The following ASIC2 variants were observed in gnomAD, a reference collection of about 807,000 sequenced individuals.
ASIC2 encodes the protein acid sensing ion channel subunit 2, also known as acid-sensing ion channel 2.
Under a neutral mutation model 57.3 loss-of-function variants are expected in ASIC2, and 25 were observed. The observed-to-expected ratio is 0.44, with a 90% confidence interval of 0.32 to 0.61. ASIC2 has a LOEUF of 0.61. Ranked by LOEUF, ASIC2 falls within the 20% of genes least tolerant of loss-of-function variation. ASIC2 has a pLI of 0.06. For missense variants in ASIC2, 641 were observed against 738.1 expected, an observed-to-expected ratio of 0.87 and a Z score of 1.52; for synonymous variants, 319 against 307.5, an observed-to-expected ratio of 1.04 and a Z score of -0.39.
chr17:34,088,026 T>G (rs1241479602), intron 1 of ASIC2, among the ~76,000 whole-genome samples: 2 of 152,260 alleles, frequency 1.3e-5, no homozygotes, highest in African/African-American at 2.4e-5. Context: ...ATCTGAAGCC[T>G]TCTTCTCTCA....
rs566443516 is a variant in ASIC2, at chr17:33,436,794, G to C, written c.556-324727C>G. Among the ~76,000 whole-genome samples, 19 of 150,922 alleles carry C rather than the reference G, an allele frequency of 1.3e-4. No homozygotes were observed. In the South Asian group the frequency reaches 2.9e-3, roughly 23 times the overall value. On this transcript the variant is annotated intron_variant, in intron 1 of 9. Transcript: ENST00000359872. ...GGGAGGGGAGCACTAAGAACCTGCT[G>C]GGTGATCACAATAGCAACCTATAAG...
At chr17:33,424,491 T>C (rs1197259246) in intron 1 of ASIC2, among the ~76,000 whole-genome samples, 2 of 152,214 alleles carry the variant, frequency 1.3e-5, no homozygotes, top group Non-Finnish European at 2.9e-5. Flanking sequence ...AATTAGTCTA[T>C]GGCAGAGGCC....
chr17:33,799,762 T>C (rs1052286969), intron 1 of ASIC2, among the ~76,000 whole-genome samples: 4 of 151,768 alleles, frequency 2.6e-5, no homozygotes, highest in Admixed American at 6.6e-5. Flanking sequence ...ATAGCTACCA[T>C]ATATTGTTGT....
At chr17:33,072,578 G>A (rs223031) in intron 3 of ASIC2, among the ~76,000 whole-genome samples, 75,400 of 152,088 alleles carry the variant, frequency 0.5, 19,000 homozygotes, top group East Asian at 0.65. Flanking sequence ...CACAACTGAA[G>A]TACTTTCATA....
At chr17:33,173,697 A>T (rs1393145663) in intron 1 of ASIC2, among the ~76,000 whole-genome samples, 2 of 152,190 alleles carry the variant, frequency 1.3e-5, no homozygotes, top group Non-Finnish European at 2.9e-5. Context: ...AACAGCTGTG[A>T]GATCTTGGGT....
At chr17:33,986,015 C>A (rs981604133) in intron 1 of ASIC2, among the ~76,000 whole-genome samples, 1 of 152,184 alleles carries the variant, frequency 6.6e-6, no homozygotes, top group African/African-American at 2.4e-5. Context: ...GCTCTAACCA[C>A]CCTATGGAAT....
At chr17:34,063,646 G>A (rs977683804) in intron 1 of ASIC2, among the ~76,000 whole-genome samples, 1 of 152,122 alleles carries the variant, frequency 6.6e-6, no homozygotes, top group African/African-American at 2.4e-5. Context: ...AAAGCTCCTA[G>A]AACTGATAAA....
chr17:33,035,292 A>T (rs12451247), intron 3 of ASIC2, among the ~76,000 whole-genome samples: 57,618 of 152,010 alleles, frequency 0.38, 11,372 homozygotes, highest in Admixed American at 0.54. Flanking sequence ...CATTGGGGTT[A>T]TATGTAGATC....
chr17:33,412,955 G>T (rs1306787493), intron 1 of ASIC2, among the ~76,000 whole-genome samples: 1 of 152,178 alleles, frequency 6.6e-6, no homozygotes, highest in Non-Finnish European at 1.5e-5. Flanking sequence ...GCTGCCCACA[G>T]CAAAGCTAAG....
chr17:33,843,340 T>C (rs1913493775), intron 1 of ASIC2, among the ~76,000 whole-genome samples: 1 of 152,142 alleles, frequency 6.6e-6, no homozygotes, highest in Non-Finnish European at 1.5e-5. Flanking sequence ...GGTTTAGAAA[T>C]AGCTTCTGAG....
intron 3 of ASIC2, among the ~76,000 whole-genome samples, chr17:33,053,637 A>G (rs2091986414): frequency 6.6e-6 from 1 of 152,160 alleles, no homozygotes; most frequent in African/African-American, 2.4e-5. Context: ...TGATCTTACT[A>G]AAATGCAGAC....
chr17:33,067,752 T>C (rs1469376911), intron 3 of ASIC2, among the ~76,000 whole-genome samples: 1 of 152,074 alleles, frequency 6.6e-6, no homozygotes, highest in African/African-American at 2.4e-5. Flanking sequence ...AAACAGCAAC[T>C]TTGCAAAGTT....
chr17:33,712,747 G>A (rs1369118071), intron 1 of ASIC2, among the ~76,000 whole-genome samples: 4 of 139,930 alleles, frequency 2.9e-5, no homozygotes, highest in South Asian at 4.9e-4. Context: ...CCGGGTTCAC[G>A]CCATTCTCCT....
intron 1 of ASIC2, among the ~76,000 whole-genome samples, chr17:33,651,360 T>TA (rs1237855302): frequency 1.3e-5 from 2 of 152,058 alleles, no homozygotes; most frequent in Non-Finnish European, 2.9e-5. Context: ...TATTTCAAAA[T>TA]AAAAAAAGTC....
At chr17:33,882,465 C>T (rs1469155210) in intron 1 of ASIC2, among the ~76,000 whole-genome samples, 1 of 152,156 alleles carries the variant, frequency 6.6e-6, no homozygotes, top group African/African-American at 2.4e-5. Flanking sequence ...TGAACAGACA[C>T]TTCTCAAAAG....
intron 1 of ASIC2, among the ~76,000 whole-genome samples, chr17:33,608,127 A>G (rs994725796): frequency 6.6e-6 from 1 of 152,146 alleles, no homozygotes; most frequent in Non-Finnish European, 1.5e-5. Context: ...GCTCAGCATG[A>G]TGGCAGCTTG....
At chr17:33,225,159 T>TG (rs1907832080) in intron 1 of ASIC2, among the ~76,000 whole-genome samples, 1 of 152,224 alleles carries the variant, frequency 6.6e-6, no homozygotes, top group African/African-American at 2.4e-5. Context: ...TCAGCAATCC[T>TG]GGGGAAATCG....
At chr17:34,067,777 T>A (rs1909226685) in intron 1 of ASIC2, among the ~76,000 whole-genome samples, 1 of 152,182 alleles carries the variant, frequency 6.6e-6, no homozygotes, top group African/African-American at 2.4e-5. Flanking sequence ...TGATATGTTT[T>A]TAAATGAAAA....
chr17:33,025,775 C>T lies in ASIC2; in HGVS notation c.1195+151G>A, dbSNP rs776528943. 5 of 672,820 alleles carry T rather than the reference C, an allele frequency of 7.4e-6. No individual in the cohort carries two copies. The South Asian group carries it at 7.9e-5, about 11-fold the overall frequency. 41.7% of individuals were successfully genotyped at this position (672,820 alleles called of 1,614,324 possible). ...CCTCCTCTCCATCTCCCTCTCCCAT[C>T]CCTGCAGCAACTCCACCCGACCAGC... On this transcript the variant is annotated intron_variant, in intron 5 of 9. Transcript: ENST00000225823.
Sources: allele counts gnomAD v4.1 joint callset (sites outside exome capture counted in the v4.1 genomes callset), GRCh38; gene constraint gnomAD v4.1.1; transcripts MANE v1.5; gene names NCBI Gene and HGNC (gene_info 2026-07-23, HGNC 2026-07-21).